Variants in ANKRD44 observed in about 807,000 individuals in gnomAD.
The protein encoded by ANKRD44 is ankyrin repeat domain 44.
ANKRD44 carries 35 observed loss-of-function variants against 116.0 expected under a neutral mutation model. The ratio of observed to expected loss-of-function variants is 0.30; its 90% CI spans 0.23 to 0.40. ANKRD44 has a LOEUF of 0.40. Ranked by LOEUF, ANKRD44 falls within the 10% of genes least tolerant of loss-of-function variation. ANKRD44 has a pLI of 1.00. For missense variants in ANKRD44, 1,014 were observed against 1,242.6 expected (o/e 0.82, Z 2.77); for synonymous variants, 435 against 461.8 (o/e 0.94, Z 0.74).
At chr2:197,217,887 T>C (rs923265285) in intron 1 of ANKRD44, among the ~76,000 whole-genome samples, 3 of 152,156 alleles carry the variant, frequency 2.0e-5, no homozygotes, top group Admixed American at 1.3e-4. Context: ...TCCAAAAACA[T>C]TGGAGCAATT....
chr2:197,263,554 C>G (rs1037459967), intron 1 of ANKRD44: 4 of 304,492 alleles, frequency 1.3e-5, no homozygotes, highest in African/African-American at 8.9e-5. Flanking sequence ...TCTCCACCTC[C>G]CATATTTCTT....
intron 16 of ANKRD44, among the ~76,000 whole-genome samples, chr2:197,074,007 TA>T (rs143509629): frequency 0.13 from 19,145 of 152,212 alleles, 1,417 homozygotes; most frequent in Non-Finnish European, 0.17. Context: ...CATCTTATCA[TA>T]AAAAATTGTC....
At chr2:197,159,415 T>C (rs2079902779) in intron 2 of ANKRD44, among the ~76,000 whole-genome samples, 1 of 152,240 alleles carries the variant, frequency 6.6e-6, no homozygotes, top group African/African-American at 2.4e-5. Flanking sequence ...CTACTTTGTT[T>C]GACTGTGTTT....
At chr2:197,184,190 T>C (rs2080589751) in intron 2 of ANKRD44, among the ~76,000 whole-genome samples, 1 of 152,180 alleles carries the variant, frequency 6.6e-6, no homozygotes, top group South Asian at 2.1e-4. Flanking sequence ...TGGCCAAGAT[T>C]GCTAACTACT....
intron 1 of ANKRD44, among the ~76,000 whole-genome samples, chr2:197,225,104 C>T (rs1433610564): frequency 1.3e-5 from 2 of 152,068 alleles, no homozygotes; most frequent in African/African-American, 4.8e-5. Flanking sequence ...TTTACTATGA[C>T]CCACTTCTAG....
Position 196,997,999 on chromosome 2 carries a change from C to T in ANKRD44, c.2748+338G>A, listed in dbSNP as rs528183309. On this transcript the variant is annotated intron_variant, in intron 25 of 27. Coordinates refer to ENST00000282272, the MANE Select transcript of ANKRD44 (RefSeq NM_001195144.2). ...CTTTACAAGCCACATAACTAAGGTCCTCACTTTTATGTGGTACCAAAATGT... is the reference window on the plus strand; with the variant it reads ...CTTTACAAGCCACATAACTAAGGTCTTCACTTTTATGTGGTACCAAAATGT... 4.1e-4 allele frequency among the ~76,000 whole-genome samples: 63 copies of T among 152,264 alleles called. 1 individual carries two copies. The South Asian group carries it at 0.013, about 31-fold the overall frequency.
chr2:196,987,259 T>C lies in ANKRD44; in HGVS notation c.*2332A>G. Reference sequence around the variant, plus strand: ...TATAGAAAACTTAAGCATTTTCATATTCATTTCAATGCAAGTACAAGGGGA... The same window carrying C: ...TATAGAAAACTTAAGCATTTTCATACTCATTTCAATGCAAGTACAAGGGGA... On this transcript the variant is annotated 3_prime_UTR_variant, in exon 28 of 28. Transcript: ENST00000282272. 1.0e-6 allele frequency: 1 copy of C among 984,972 alleles called. No homozygotes were observed. Among genetic ancestry groups the C allele is most frequent in the Non-Finnish European group, 1.2e-6 (1 of 829,486 alleles). 61.0% of individuals were successfully genotyped at this position (984,972 alleles called of 1,614,324 possible). A position where few individuals can be genotyped will look rare whatever the true frequency, so the allele number is the denominator to read the frequency against.
At chr2:197,001,867 A>G in intron 21 of ANKRD44, 27 bp from the exon 22 acceptor site, 1 of 1,562,688 alleles carries the variant, frequency 6.4e-7, no homozygotes, top group Non-Finnish European at 8.8e-7. Flanking sequence ...TAATTTAGGG[A>G]GTTTCCAAGA....
chr2:197,275,891 T>G (rs1385148579), intron 1 of ANKRD44, among the ~76,000 whole-genome samples: 2 of 152,174 alleles, frequency 1.3e-5, no homozygotes, highest in African/African-American at 2.4e-5. Flanking sequence ...AACTATGCAT[T>G]TCATAAAATA....
Position 197,246,369 on chromosome 2 carries a change from TTTTTTTA to T in ANKRD44, c.28-59270_28-59264del, listed in dbSNP as rs1191309855. 1.2e-4 allele frequency among the ~76,000 whole-genome samples: 16 copies of T among 130,940 alleles called. No individual in the cohort carries two copies. In the South Asian group the frequency reaches 1.8e-3, roughly 15 times the overall value. 85.9% of individuals were successfully genotyped at this position (130,940 alleles called of 152,430 possible). On this transcript the variant is annotated intron_variant, in intron 1 of 27. Transcript: ENST00000282272. ...ATCTGGCTTTTTTTTTTTTTTTTTT[TTTTTTTA>T]GAGATGGGGTATCGCTGTGTTGCCC...
At chr2:196,977,578 A>G (rs926959351) in intron 21 of ANKRD44, among the ~76,000 whole-genome samples, 2 of 152,252 alleles carry the variant, frequency 1.3e-5, no homozygotes, top group African/African-American at 4.8e-5. Context: ...ACAAATGTCC[A>G]ATAAGCACAC....
chr2:197,273,577 G>A (rs1210234787), intron 1 of ANKRD44, among the ~76,000 whole-genome samples: 1 of 152,152 alleles, frequency 6.6e-6, no homozygotes, highest in Non-Finnish European at 1.5e-5. Context: ...GCCACTGAGA[G>A]CCTAAGCTGA....
intron 1 of ANKRD44, among the ~76,000 whole-genome samples, chr2:197,272,583 C>G (rs1003498533): frequency 1.3e-5 from 2 of 152,136 alleles, no homozygotes; most frequent in Non-Finnish European, 2.9e-5. Flanking sequence ...GTTTTAGCAG[C>G]CCAAATGGAC....
intron 17 of ANKRD44, among the ~76,000 whole-genome samples, 185 bp from the exon 18 acceptor site, chr2:197,013,897 G>A (rs1358295411): frequency 6.6e-6 from 1 of 152,132 alleles, no homozygotes; most frequent in Non-Finnish European, 1.5e-5. Flanking sequence ...ACACTACAAT[G>A]CACAAACCTC....
At chr2:196,969,293 A>C (rs1235607194) in intron 21 of ANKRD44, among the ~76,000 whole-genome samples, 3 of 152,184 alleles carry the variant, frequency 2.0e-5, no homozygotes, top group South Asian at 4.1e-4. Context: ...AGAGGTTCTC[A>C]TGTGCTAATC....
intron 8 of ANKRD44, 101 bp downstream of exon 8, chr2:197,121,231 G>T (rs972229420): frequency 2.2e-5 from 26 of 1,163,236 alleles, no homozygotes; most frequent in African/African-American, 6.1e-5. Context: ...AGGCTGTGAG[G>T]TTCCAACTCA....
intron 22 of ANKRD44, among the ~76,000 whole-genome samples, chr2:197,000,845 C>T (rs930832180): frequency 6.6e-6 from 1 of 152,150 alleles, no homozygotes; most frequent in Non-Finnish European, 1.5e-5. Context: ...CAAGACCAGC[C>T]TGGCCAATAT....
rs534799891 is a variant in ANKRD44, at chr2:197,296,060, AAAG to A, written c.27+14515_27+14517del. Among the ~76,000 whole-genome samples the A allele has an allele frequency of 9.2e-5, 14 of 152,292 alleles. No individual in the cohort carries two copies. The South Asian group carries it at 2.9e-3, about 32-fold the overall frequency. ...CCCTGTCTCAAAAAAATAAAAAAGAAAAGAAGAAGAAATAAAAAGAAAAGGTAA... is the reference window on the plus strand; with the variant it reads ...CCCTGTCTCAAAAAAATAAAAAAGAAAAGAAGAAATAAAAAGAAAAGGTAA... On this transcript the variant is annotated intron_variant, in intron 1 of 27. Transcript: ENST00000282272.
intron 1 of ANKRD44, among the ~76,000 whole-genome samples, chr2:197,254,897 G>A (rs989881436): frequency 6.6e-6 from 1 of 152,210 alleles, no homozygotes; most frequent in Non-Finnish European, 1.5e-5. Flanking sequence ...ACACCTATCA[G>A]ATTAACTGCC....
Sources: gnomAD v4.1 joint callset for allele counts (sites outside exome capture counted in the v4.1 genomes callset) on GRCh38, gnomAD v4.1.1 for gene constraint, MANE v1.5 for transcripts, NCBI Gene and HGNC (gene_info 2026-07-23, HGNC 2026-07-21) for gene names.